Variants in TDRD12 observed in about 807,000 individuals in gnomAD.
TDRD12 encodes the protein putative ATP-dependent RNA helicase TDRD12.
Under a neutral mutation model 133.5 loss-of-function variants are expected in TDRD12, and 158 were observed. The ratio of observed to expected loss-of-function variants is 1.18; its 90% CI spans 1.04 to 1.35. The LOEUF (loss-of-function observed/expected upper bound fraction) is 1.35, where lower values mean the gene tolerates loss of function less well. Ranked by LOEUF, TDRD12 falls within the 40% of genes most tolerant of loss-of-function variation. The probability of loss-of-function intolerance (pLI) is 0.00; values close to 1 mark genes in which losing one functional copy is unlikely to be tolerated. For missense variants in TDRD12, 1,443 were observed against 1,321.3 expected (o/e 1.09, Z -1.43); for synonymous variants, 460 against 477.9 (o/e 0.96, Z 0.49).
chr19:32,745,419 T>G (rs1321664016), intron 4 of TDRD12, among the ~76,000 whole-genome samples: 1 of 152,232 alleles, frequency 6.6e-6, no homozygotes, highest in Non-Finnish European at 1.5e-5. Flanking sequence ...TATTACAGTT[T>G]TACAGATTTT....
intron 21 of TDRD12, among the ~76,000 whole-genome samples, chr19:32,804,591 G>T (rs548999666): frequency 1.3e-5 from 2 of 151,684 alleles, no homozygotes; most frequent in Admixed American, 1.3e-4. Context: ...TACTTGGGAG[G>T]CTGAGGCAGG....
intron 6 of TDRD12, among the ~76,000 whole-genome samples, chr19:32,753,193 G>T (rs140582199): frequency 1.2e-4 from 19 of 152,262 alleles, no homozygotes; most frequent in African/African-American, 3.9e-4. Flanking sequence ...TCCAACTGGG[G>T]TGTCATGATT....
At chr19:32,756,013 G>C (rs1392569530) in exon 7 of TDRD12, 14 of 1,467,496 alleles carry the variant, frequency 9.5e-6, no homozygotes, top group East Asian at 2.8e-5. Flanking sequence ...TGATGATCTT[G>C]TTGCAAAGAA....
At chr19:32,763,255 G>A (rs567387674) in intron 8 of TDRD12, among the ~76,000 whole-genome samples, 1 of 151,938 alleles carries the variant, frequency 6.6e-6, no homozygotes. Flanking sequence ...GATTTTAATT[G>A]GGCATTTTGA....
intron 23 of TDRD12, 132 bp downstream of exon 23, chr19:32,810,409 C>G (rs998201448): frequency 1.1e-4 from 75 of 675,138 alleles, no homozygotes; most frequent in Non-Finnish European, 1.1e-4. Flanking sequence ...GGTGTCCCCC[C>G]AGATGCCTGC....
chr19:32,726,858 G>A (rs1046048047), intron 1 of TDRD12, among the ~76,000 whole-genome samples: 2 of 152,116 alleles, frequency 1.3e-5, no homozygotes, highest in African/African-American at 4.8e-5. Context: ...ACACTGGGTT[G>A]CTTCCACATT....
intron 8 of TDRD12, among the ~76,000 whole-genome samples, chr19:32,757,734 AATTT>A (rs1970037584): frequency 1.3e-5 from 2 of 152,074 alleles, no homozygotes; most frequent in Admixed American, 1.3e-4. Flanking sequence ...AAAGCAACTT[AATTT>A]GAGGGGCTGC....
intron 4 of TDRD12, among the ~76,000 whole-genome samples, chr19:32,745,751 CTG>C (rs1203104331): frequency 1.7e-5 from 2 of 120,718 alleles, no homozygotes; most frequent in East Asian, 2.7e-4. Flanking sequence ...TGTGGTTATT[CTG>C]TGTGTGTGTG....
exon 16 of TDRD12, chr19:32,798,311 A>T (rs1971288884): frequency 6.5e-7 from 1 of 1,529,398 alleles, no homozygotes; most frequent in Admixed American, 2.0e-5. Context: ...AATGCAGGTG[A>T]TGTGATTGTT....
intron 6 of TDRD12, among the ~76,000 whole-genome samples, chr19:32,753,165 G>A (rs938352876): frequency 6.6e-6 from 1 of 152,082 alleles, no homozygotes; most frequent in African/African-American, 2.4e-5. Context: ...TCTAGATGAG[G>A]GCACTTGGTG....
At chr19:32,783,675 T>G (rs1970829827) in intron 11 of TDRD12, among the ~76,000 whole-genome samples, 1 of 152,206 alleles carries the variant, frequency 6.6e-6, no homozygotes. Flanking sequence ...GAAGAGGTCC[T>G]TCACATCCCT....
intron 11 of TDRD12, 30 bp downstream of exon 11, chr19:32,777,259 G>T (rs1416319285): frequency 8.0e-7 from 1 of 1,249,748 alleles, no homozygotes; most frequent in South Asian, 1.5e-5. Flanking sequence ...CCTGAATTGT[G>T]TATTGAAATA....
At chr19:32,824,096 T>C (rs1344229878), downstream of TDRD12, 1 of 152,416 alleles carries the variant, frequency 6.6e-6, no homozygotes, top group Admixed American at 6.5e-5. Context: ...AGACTTCATC[T>C]CTGGGCTCCT....
At chr19:32,794,856 T>G (rs958574684) in intron 14 of TDRD12, 43 bp downstream of exon 14, 6 of 686,694 alleles carry the variant, frequency 8.7e-6, no homozygotes, top group African/African-American at 1.8e-5. Flanking sequence ...ATGGGTTAAA[T>G]ATTTATTTTA....
Position 32,751,472 on chromosome 19 carries a change from A to G in TDRD12, c.582+1603A>G, listed in dbSNP as rs79028199. Among the ~76,000 whole-genome samples the G allele has an allele frequency of 5.3e-3, 805 of 152,180 alleles. 7 individuals carry two copies. The highest frequency in any genetic ancestry group is 0.018 in the African/African-American group (764 of 41,536). ...GAGGCTGCAGATAGCCATTTCATCAATGATTCTTGGCTGTGAAAGATATTA... is the reference window on the plus strand; with the variant it reads ...GAGGCTGCAGATAGCCATTTCATCAGTGATTCTTGGCTGTGAAAGATATTA... On this transcript the variant is annotated intron_variant, in intron 6 of 27. Transcript: ENST00000444215.
At chr19:32,809,651 G>A (rs1348015785) in intron 22 of TDRD12, among the ~76,000 whole-genome samples, 1 of 152,196 alleles carries the variant, frequency 6.6e-6, no homozygotes, top group East Asian at 1.9e-4. Flanking sequence ...CTTCTGGATT[G>A]CCTAGGTCCC....
At chr19:32,731,860 C>A (rs1969067050) in exon 2 of TDRD12, 2 of 1,547,034 alleles carry the variant, frequency 1.3e-6, no homozygotes, top group Non-Finnish European at 1.7e-6. Context: ...AGAAATAAAA[C>A]CCTTAACATT....
chr19:32,766,599 C>T (rs550503960), intron 8 of TDRD12, among the ~76,000 whole-genome samples: 1 of 150,634 alleles, frequency 6.6e-6, no homozygotes, highest in East Asian at 2.0e-4. Context: ...ATTTTAATTC[C>T]TTTGTTAGCT....
chr19:32,818,226 G>A, intron 27 of TDRD12, 69 bp downstream of exon 27: 1 of 652,888 alleles, frequency 1.5e-6, no homozygotes, highest in East Asian at 2.7e-5. Context: ...GAGGGGGACA[G>A]TGCATGGGGA....
Sources: allele counts gnomAD v4.1 joint callset (sites outside exome capture counted in the v4.1 genomes callset), GRCh38; gene constraint gnomAD v4.1.1; transcripts MANE v1.5; gene names NCBI Gene and HGNC (gene_info 2026-07-23, HGNC 2026-07-21).